ECM2: variants seen among roughly 807,000 people sequenced by gnomAD.
ECM2 encodes extracellular matrix protein 2, female organ and adipocyte specific.
Under a neutral mutation model 67.5 loss-of-function variants are expected in ECM2, and 57 were observed. The observed-to-expected ratio is 0.84, with a 90% confidence interval of 0.68 to 1.05. The LOEUF is 1.05. Among genes scored for constraint, ECM2 ranks in the 50% least tolerant of loss-of-function variants. The probability of loss-of-function intolerance (pLI) is 0.00; values close to 1 mark genes in which losing one functional copy is unlikely to be tolerated. For synonymous variants in ECM2, 258 were observed against 294.5 expected (o/e 0.88, Z 1.27); for missense variants, 741 against 822.8 (o/e 0.90, Z 1.22).
intron 6 of ECM2, among the ~76,000 whole-genome samples, chr9:92,506,511 G>T (rs1207025697): frequency 6.6e-6 from 1 of 152,206 alleles, no homozygotes; most frequent in Admixed American, 6.5e-5. Context: ...GAGGCTCAGG[G>T]TGTGGCCAAA....
At chr9:92,499,675 A>G (rs190008695) in intron 9 of ECM2, among the ~76,000 whole-genome samples, 30 of 152,358 alleles carry the variant, frequency 2.0e-4, no homozygotes, top group Non-Finnish European at 3.7e-4. Context: ...TGAATTTTAC[A>G]AAGTCTTCCC....
the ECM2 span, among the ~76,000 whole-genome samples, chr9:92,546,065 T>G: frequency 6.6e-6 from 1 of 152,074 alleles, no homozygotes; most frequent in African/African-American, 2.4e-5. Flanking sequence ...AATGCACCAA[T>G]CAGCACCCTG....
At chr9:92,523,449 T>G (rs331372) in intron 1 of ECM2, among the ~76,000 whole-genome samples, 152,103 of 152,250 alleles carry the variant, frequency 1, 75,978 homozygotes, top group East Asian at 1. Flanking sequence ...CCCAAAGCCC[T>G]GTGGCAACAA....
At chr9:92,540,264 C>T (rs1353281842), upstream of ECM2, among the ~76,000 whole-genome samples, 2 of 151,998 alleles carry the variant, frequency 1.3e-5, no homozygotes, top group Non-Finnish European at 2.9e-5. Context: ...TGATGAAACC[C>T]TGTCTCTACT....
chr9:92,497,008 A>T (rs1846385431), intron 9 of ECM2, among the ~76,000 whole-genome samples: 2 of 151,900 alleles, frequency 1.3e-5, no homozygotes, highest in Non-Finnish European at 2.9e-5. Flanking sequence ...ATCAAATACC[A>T]CTGAAGAGAA....
At chr9:92,494,335 G>A (rs1310100021), downstream of ECM2, among the ~76,000 whole-genome samples, 21 of 152,158 alleles carry the variant, frequency 1.4e-4, no homozygotes, top group Non-Finnish European at 1.3e-4. Flanking sequence ...ACATCAATAA[G>A]TGTTGCACAA....
At chr9:92,499,433 G>A (rs898587734) in intron 9 of ECM2, among the ~76,000 whole-genome samples, 3 of 152,248 alleles carry the variant, frequency 2.0e-5, no homozygotes, top group Non-Finnish European at 4.4e-5. Context: ...TCATCATTTT[G>A]TTACCTCTAA....
the ECM2 span, among the ~76,000 whole-genome samples, chr9:92,552,190 T>TACACACAC: frequency 2.6e-3 from 280 of 106,170 alleles, 5 homozygotes; most frequent in Middle Eastern, 5.3e-3. Flanking sequence ...ATCTATCATA[T>TACACACAC]ACACACACAC....
In ECM2 at chr9:92,497,209, C is replaced by G. The variant is rs1050199360; in HGVS notation, c.1932-726G>C. The stretch of plus-strand genomic sequence containing the variant: ...ATTTTTAGTAGTAAGAGTGGAAACA[C>G]ATGTCTATCAATACGGAACTGATTG... On this transcript the variant is annotated intron_variant, in intron 9 of 9. Coordinates refer to ENST00000344604, the MANE Select transcript of ECM2 (RefSeq NM_001393.4). Among the ~76,000 whole-genome samples, 6 of 152,294 alleles carry G rather than the reference C, an allele frequency of 3.9e-5. No homozygotes were observed. The East Asian group carries it at 9.6e-4, about 24-fold the overall frequency.
chr9:92,558,423 C>G, the ECM2 span, among the ~76,000 whole-genome samples: 1 of 152,180 alleles, frequency 6.6e-6, no homozygotes, highest in Non-Finnish European at 1.5e-5. Flanking sequence ...CTGGGCCTAG[C>G]CACCCAGTGA....
intron 9 of ECM2, among the ~76,000 whole-genome samples, chr9:92,499,268 G>T (rs1372959990): frequency 4.6e-5 from 7 of 152,094 alleles, no homozygotes; most frequent in African/African-American, 1.4e-4. Flanking sequence ...AAACATTCAG[G>T]CTCCAACTTC....
chr9:92,512,022 T>A lies in ECM2; in HGVS notation c.1159A>T (p.Lys387Ter). 6.2e-7 allele frequency: 1 copy of A among 1,612,004 alleles called. No homozygotes were observed. Among genetic ancestry groups the A allele is most frequent in the African/African-American group, 1.3e-5 (1 of 74,854 alleles). Reference protein sequence around the residue: ...NNITSSGIGPKAFKLLKKLMR... With the variant: ...NNITSSGIGP ...GAGCATGTATTTACCTTGAATGCTT[T>A]TGGACCTATGCCTGAAGAAGTGATA... The change falls in exon 5 of 10, where the codon AAA (lysine) becomes TAA (stop). Residue 387 changes from lysine to a stop codon, truncating the protein, a stop_gained. Transcript: ENST00000344604. LOFTEE classifies it high-confidence loss of function.
In ECM2 at chr9:92,522,588, A is replaced by G. The variant is rs1365916525; in HGVS notation, c.279T>C (p.Tyr93=). The part of the protein sequence containing the change: ...FSSFPGVESS[Y]NVLPGKKGHC... The stretch of plus-strand genomic sequence containing the variant: ...GTGTTCTCTTACCTGGTAACACATT[A>G]TAACTTGATTCTACTCCAGGAAAAC... The change falls in exon 2 of 10, where the codon TAT becomes TAC. Residue 93 remains tyrosine (Y), a synonymous_variant. Transcript: ENST00000344604. 1 of 1,612,146 alleles carries G rather than the reference A, an allele frequency of 6.2e-7. No individual in the cohort carries two copies. The highest frequency in any genetic ancestry group is 1.7e-4 in the Middle Eastern group (1 of 6,050).
chr9:92,502,773 T>C (rs563796535), intron 7 of ECM2, 121 bp from the exon 8 acceptor site: 2 of 766,452 alleles, frequency 2.6e-6, no homozygotes, highest in African/African-American at 1.8e-5. Context: ...GTCTTACTGC[T>C]CTTTCAAGTA....
chr9:92,495,459 T>G lies in ECM2; in HGVS notation c.*856A>C, dbSNP rs1846301814. 1 of 985,018 alleles carries G rather than the reference T, an allele frequency of 1.0e-6. No homozygotes were observed. The highest frequency in any genetic ancestry group is 4.7e-5 in the South Asian group (1 of 21,276). 61.0% of individuals were successfully genotyped at this position (985,018 alleles called of 1,614,324 possible). A position where few individuals can be genotyped will look rare whatever the true frequency, so the allele number is the denominator to read the frequency against. ...GATGCTATGACCAGTGGTGCAAAAT[T>G]TTTCAAAAATTTATACATTAGATTT... On this transcript the variant is annotated 3_prime_UTR_variant, in exon 10 of 10. Coordinates refer to ENST00000344604, the MANE Select transcript of ECM2 (RefSeq NM_001393.4).
rs560517379 is a variant in ECM2, at chr9:92,508,286, C to T, written c.1306+1613G>A. Among the ~76,000 whole-genome samples the T allele has an allele frequency of 1.5e-4, 23 of 152,312 alleles. No homozygotes were observed. In the South Asian group the frequency reaches 2.7e-3, roughly 18 times the overall value. The stretch of plus-strand genomic sequence containing the variant: ...CTGAGCCGGAGGACAGAAGCACTGC[C>T]GGCATGGGGCCGAGGCTCCTCGGGT... On this transcript the variant is annotated intron_variant, in intron 6 of 9. Transcript: ENST00000344604.
At chr9:92,551,955 T>TATATG in the ECM2 span, among the ~76,000 whole-genome samples, 1 of 119,748 alleles carries the variant, frequency 8.4e-6, no homozygotes, top group African/African-American at 4.1e-5. Context: ...ATATATATGA[T>TATATG]ATATATATGT....
At chr9:92,519,284 C>T (rs1847919055) in intron 2 of ECM2, among the ~76,000 whole-genome samples, 1 of 152,330 alleles carries the variant, frequency 6.6e-6, no homozygotes, top group East Asian at 1.9e-4. Context: ...TCAAAATTTC[C>T]ATGGCCTTTT....
upstream of ECM2, among the ~76,000 whole-genome samples, chr9:92,536,973 G>T (rs796543672): frequency 6.6e-5 from 10 of 151,686 alleles, no homozygotes; most frequent in East Asian, 1.4e-3. Flanking sequence ...AGGTTCAAGG[G>T]ATTCTCCTGC....
Sources: gnomAD v4.1 joint callset for allele counts (sites outside exome capture counted in the v4.1 genomes callset) on GRCh38, gnomAD v4.1.1 for gene constraint, MANE v1.5 for transcripts, NCBI Gene and HGNC (gene_info 2026-07-23, HGNC 2026-07-21) for gene names.